Variants in SH3GLB1 observed in about 807,000 individuals in gnomAD.
SH3GLB1 encodes the protein endophilin-B1.
Under a neutral mutation model 42.0 loss-of-function variants are expected in SH3GLB1, and 17 were observed. The ratio of observed to expected loss-of-function variants is 0.40; its 90% CI spans 0.28 to 0.61. The LOEUF (loss-of-function observed/expected upper bound fraction) is 0.61. Ranked by LOEUF, SH3GLB1 falls within the 20% of genes least tolerant of loss-of-function variation. SH3GLB1 has a pLI of 0.36. For missense variants in SH3GLB1, 355 were observed against 426.3 expected, an observed-to-expected ratio of 0.83 and a Z score of 1.47; for synonymous variants, 132 against 146.6, an observed-to-expected ratio of 0.90 and a Z score of 0.72.
In SH3GLB1 at chr1:86,745,392, G is replaced by C. The variant is rs1314314186; in HGVS notation, c.*2157G>C. 2 of 152,154 alleles carry C rather than the reference G, an allele frequency of 1.3e-5. No homozygotes were observed. The highest frequency in any genetic ancestry group is 2.9e-5 in the Non-Finnish European group (2 of 68,042). 9.4% of individuals were successfully genotyped at this position (152,154 alleles called of 1,614,324 possible). On this transcript the variant is annotated 3_prime_UTR_variant, in exon 9 of 9. Coordinates refer to ENST00000370558, the MANE Select transcript of SH3GLB1 (RefSeq NM_016009.5). The stretch of plus-strand genomic sequence containing the variant: ...CCCCTGTAGCATCCTGACCTACCAA[G>C]TCTATAGGCCTTGCATATCACTGTG...
intron 7 of SH3GLB1, among the ~76,000 whole-genome samples, chr1:86,741,992 A>C (rs548451882): frequency 6.6e-6 from 1 of 152,194 alleles, no homozygotes; most frequent in African/African-American, 2.4e-5. Context: ...ACAGACTTTC[A>C]AGGATTTATA....
At chr1:86,732,310 TATC>T (rs1434526162) in intron 5 of SH3GLB1, among the ~76,000 whole-genome samples, 1 of 152,244 alleles carries the variant, frequency 6.6e-6, no homozygotes, top group Non-Finnish European at 1.5e-5. Context: ...TATGTTATGC[TATC>T]ATGTAGTCTA....
chr1:86,712,428 A>G (rs935555015), intron 1 of SH3GLB1, among the ~76,000 whole-genome samples: 1 of 152,184 alleles, frequency 6.6e-6, no homozygotes, highest in Non-Finnish European at 1.5e-5. Flanking sequence ...TATGACTCAA[A>G]CAGATGTGAG....
chr1:86,718,374 T>A (rs569260283), intron 2 of SH3GLB1, among the ~76,000 whole-genome samples: 8 of 152,168 alleles, frequency 5.3e-5, no homozygotes, highest in Non-Finnish European at 1.0e-4. Context: ...TTAACTAGTA[T>A]CTTCTAAATG....
chr1:86,716,252 GTGTTTTTTTGTTTGTT>G (rs1194804909), intron 2 of SH3GLB1, among the ~76,000 whole-genome samples: 8 of 149,254 alleles, frequency 5.4e-5, no homozygotes, highest in African/African-American at 1.7e-4. Context: ...AGTTTTTGGT[GTGTTTTTTTGTTTGTT>G]TGTTTGTTTG....
intron 7 of SH3GLB1, among the ~76,000 whole-genome samples, chr1:86,736,337 C>T (rs1237738078): frequency 2.0e-5 from 3 of 152,264 alleles, no homozygotes; most frequent in East Asian, 3.9e-4. Context: ...TTTGTTTCTG[C>T]ACATTAACAC....
At chr1:86,707,644 A>G (rs920060789) in intron 1 of SH3GLB1, among the ~76,000 whole-genome samples, 75 of 116,524 alleles carry the variant, frequency 6.4e-4, no homozygotes, top group African/African-American at 2.3e-3. Context: ...TTTACAGGGT[A>G]TTTTTTTTTT....
At chr1:86,706,925 A>T (rs571292702) in intron 1 of SH3GLB1, among the ~76,000 whole-genome samples, 2 of 152,202 alleles carry the variant, frequency 1.3e-5, no homozygotes, top group Non-Finnish European at 2.9e-5. Context: ...AAAAGTTTTA[A>T]ATTTTATGCT....
chr1:86,724,340 A>G lies in SH3GLB1; in HGVS notation c.505A>G (p.Arg169Gly). The change falls in exon 5 of 9, where the codon AGA (arginine) becomes GGA (glycine). Residue 169 changes from arginine (R) to glycine (G), a missense_variant. Coordinates refer to ENST00000370558, the MANE Select transcript of SH3GLB1 (RefSeq NM_016009.5). ...AGAAAGGAAACTATTGCAAAATAAG[A>G]GACTGGATTTGGATGCTGCAAAAAC... The part of the protein sequence containing the change: ...AKERKLLQNK[R>G]LDLDAAKTRL... 1.9e-6 allele frequency: 3 copies of G among 1,596,892 alleles called. No individual in the cohort carries two copies. The highest frequency in any genetic ancestry group is 2.6e-6 in the Non-Finnish European group (3 of 1,175,202).
At chr1:86,708,054 A>T (rs751984839) in intron 1 of SH3GLB1, among the ~76,000 whole-genome samples, 4 of 152,212 alleles carry the variant, frequency 2.6e-5, no homozygotes, top group Admixed American at 6.5e-5. Context: ...AGGTTTCATT[A>T]TACTGTTATA....
chr1:86,742,279 C>T lies in SH3GLB1; in HGVS notation c.833C>T (p.Ala278Val), dbSNP rs933506005. 31 of 1,613,980 alleles carry T rather than the reference C, an allele frequency of 1.9e-5. No individual in the cohort carries two copies. The highest frequency in any genetic ancestry group is 2.5e-5 in the Non-Finnish European group (30 of 1,179,996). The change falls in exon 8 of 9, where the codon GCG (alanine) becomes GTG (valine). Residue 278 changes from alanine (A) to valine (V), a missense_variant. By Grantham distance (64) the Ala-to-Val change is moderately conservative (BLOSUM62 0). Transcript: ENST00000370558. ...CCTGTACCATCAGTTTTACCAAATG[C>T]GATTGGTTCTTCTGCCATGGCTTCA... ...VTPVPSVLPN[A>V]IGSSAMASTS...
chr1:86,704,925 A>G lies in SH3GLB1; in HGVS notation c.26A>G (p.Lys9Arg), dbSNP rs1017850515. Residue 9 changes from lysine to arginine, a missense_variant, in exon 1 of 9, where the codon AAG becomes AGG. By Grantham distance (26) the Lys-to-Arg change is conservative. Coordinates refer to ENST00000370558, the MANE Select transcript of SH3GLB1 (RefSeq NM_016009.5). ...ATGAATATCATGGACTTCAACGTGA[A>G]GAAGCTGGCGGCCGACGCAGGCACC... MNIMDFNVKKLAADAGTFL... is the reference protein window; with the variant it reads MNIMDFNVRKLAADAGTFL... 2 of 1,585,770 alleles carry G rather than the reference A, an allele frequency of 1.3e-6. No individual in the cohort carries two copies. The highest frequency in any genetic ancestry group is 2.8e-5 in the African/African-American group (2 of 71,310).
At chr1:86,726,316 A>G (rs905452229) in intron 5 of SH3GLB1, among the ~76,000 whole-genome samples, 4 of 152,072 alleles carry the variant, frequency 2.6e-5, no homozygotes, top group Non-Finnish European at 5.9e-5. Flanking sequence ...GCACACACAT[A>G]TAGATTTAAC....
At chr1:86,729,522 T>C (rs543390955) in intron 5 of SH3GLB1, among the ~76,000 whole-genome samples, 2 of 152,326 alleles carry the variant, frequency 1.3e-5, no homozygotes, top group Non-Finnish European at 2.9e-5. Context: ...ATTTAAAATA[T>C]AAAGCATAGC....
intron 7 of SH3GLB1, among the ~76,000 whole-genome samples, chr1:86,737,120 A>G (rs566191747): frequency 8.0e-4 from 122 of 152,330 alleles, no homozygotes; most frequent in African/African-American, 2.8e-3. Context: ...TACTATTATT[A>G]TCCATATTTT....
At chr1:86,724,483 C>T in intron 5 of SH3GLB1, 78 bp downstream of exon 5, 1 of 1,125,576 alleles carries the variant, frequency 8.9e-7, no homozygotes, top group Non-Finnish European at 1.3e-6. Flanking sequence ...ATGAAAGATA[C>T]AGACTATTAA....
rs1244136095 is a variant in SH3GLB1 at position 86,747,218 on chromosome 1, A to C, written c.*3983A>C. 1.3e-5 allele frequency: 2 copies of C among 152,638 alleles called. No homozygotes were observed. The highest frequency in any genetic ancestry group is 4.8e-5 in the African/African-American group (2 of 41,440). 9.5% of individuals were successfully genotyped at this position (152,638 alleles called of 1,614,324 possible). On this transcript the variant is annotated 3_prime_UTR_variant, in exon 9 of 9. Coordinates refer to ENST00000370558, the MANE Select transcript of SH3GLB1 (RefSeq NM_016009.5). Reference sequence around the variant, plus strand: ...TAAAAACTATAATTCTTTTGATGGCAGTTACATTCCCAACTCTTAGCACAA... The same window carrying C: ...TAAAAACTATAATTCTTTTGATGGCCGTTACATTCCCAACTCTTAGCACAA...
In SH3GLB1 at chr1:86,735,129, C is replaced by T; in HGVS notation, c.711C>T (p.Tyr237=). 1 of 1,612,982 alleles carries T rather than the reference C, an allele frequency of 6.2e-7. No homozygotes were observed. The highest frequency in any genetic ancestry group is 8.5e-7 in the Non-Finnish European group (1 of 1,179,122). The stretch of plus-strand genomic sequence containing the variant: ...ACTTTGTAGAAGCCCAGATGACTTA[C>T]TATGCACAGTGTTACCAGTATATGT... ...LNDFVEAQMT[Y]YAQCYQYMLD... is the part of the protein sequence containing the mutation. Residue 237 remains tyrosine, a synonymous_variant, in exon 7 of 9, where the codon TAC becomes TAT. Coordinates refer to ENST00000370558, the MANE Select transcript of SH3GLB1 (RefSeq NM_016009.5).
rs1305391140 is a variant in SH3GLB1 at position 86,742,272 on chromosome 1, C to T, written c.826C>T (p.Pro276Ser). The T allele has an allele frequency of 8.1e-6, 13 of 1,614,014 alleles. No individual in the cohort carries two copies. In the Admixed American group the frequency reaches 8.3e-5, roughly 10 times the overall value. The stretch of plus-strand genomic sequence containing the variant: ...TGTGACACCTGTACCATCAGTTTTA[C>T]CAAATGCGATTGGTTCTTCTGCCAT... ...TSVTPVPSVL[P>S]NAIGSSAMAS... Residue 276 changes from proline to serine, a missense_variant, in exon 8 of 9, where the codon CCA becomes TCA. Pro to Ser is a moderately conservative substitution (Grantham distance 74). Transcript: ENST00000370558.
Sources: gnomAD v4.1 joint callset for allele counts (sites outside exome capture counted in the v4.1 genomes callset) on GRCh38, gnomAD v4.1.1 for gene constraint, MANE v1.5 for transcripts, NCBI Gene and HGNC (gene_info 2026-07-23, HGNC 2026-07-21) for gene names.